Variants in ATP8A1 observed in about 807,000 individuals in gnomAD.
ATP8A1 encodes the protein phospholipid-transporting ATPase IA.
A neutral mutation model predicts 177.7 loss-of-function variants in ATP8A1; 90 were observed. That is an observed-to-expected ratio of 0.51 (90% CI 0.43 to 0.60). ATP8A1 has a LOEUF of 0.60. Ranked by LOEUF, ATP8A1 falls within the 20% of genes least tolerant of loss-of-function variation. The pLI, the probability that ATP8A1 is intolerant of heterozygous loss-of-function variation, is 0.00. For synonymous variants in ATP8A1, 493 were observed against 485.9 expected, an observed-to-expected ratio of 1.01 and a Z score of -0.19; for missense variants, 1,072 against 1,392.8, an observed-to-expected ratio of 0.77 and a Z score of 3.67.
At chr4:42,635,993 T>C (rs1739298020) in intron 1 of ATP8A1, among the ~76,000 whole-genome samples, 1 of 151,280 alleles carries the variant, frequency 6.6e-6, no homozygotes, top group African/African-American at 2.4e-5. Flanking sequence ...GCAAATTGAC[T>C]GTGATTGGCT....
chr4:42,500,153 T>A (rs1470948809), intron 24 of ATP8A1, among the ~76,000 whole-genome samples: 1 of 152,090 alleles, frequency 6.6e-6, no homozygotes, highest in Non-Finnish European at 1.5e-5. Flanking sequence ...TCAGTTGAGG[T>A]CAGGAGTTCA....
intron 24 of ATP8A1, 145 bp downstream of exon 24, chr4:42,503,305 G>T: frequency 2.1e-6 from 1 of 482,956 alleles, no homozygotes; most frequent in Non-Finnish European, 3.7e-6. Context: ...ACTCAAAACA[G>T]AGTACATTAT....
At position 42,616,408 on chromosome 4, in the gene ATP8A1, G is replaced by C. The variant is rs572845761; in HGVS notation, c.364-330C>G. ...ATGTACTAGAAAAGTATGAAAGGTTGATTTAGTATTTTGCTTTAATAACTC... is the reference window on the plus strand; with the variant it reads ...ATGTACTAGAAAAGTATGAAAGGTTCATTTAGTATTTTGCTTTAATAACTC... On this transcript the variant is annotated intron_variant, in intron 4 of 36. Coordinates refer to ENST00000381668, the MANE Select transcript of ATP8A1 (RefSeq NM_006095.2). Among the ~76,000 whole-genome samples, 8 of 152,294 alleles carry C rather than the reference G, an allele frequency of 5.3e-5. No homozygotes were observed. The East Asian group carries it at 1.5e-3, about 29-fold the overall frequency.
At chr4:42,543,883 A>T (rs1438448739) in intron 20 of ATP8A1, 34 bp downstream of exon 20, 1 of 1,477,664 alleles carries the variant, frequency 6.8e-7, no homozygotes, top group Non-Finnish European at 9.3e-7. Flanking sequence ...ACCATCATAA[A>T]TTATAACTGT....
intron 19 of ATP8A1, among the ~76,000 whole-genome samples, chr4:42,548,077 T>C (rs1033706203): frequency 6.6e-6 from 1 of 152,206 alleles, no homozygotes; most frequent in Non-Finnish European, 1.5e-5. Flanking sequence ...CACAGGCTTA[T>C]CACTGATTAT....
chr4:42,497,972 G>A (rs1321789072), intron 24 of ATP8A1, among the ~76,000 whole-genome samples: 4 of 152,168 alleles, frequency 2.6e-5, no homozygotes, highest in Non-Finnish European at 4.4e-5. Context: ...CACCTTCAAA[G>A]TTAAACTTTG....
chr4:42,461,785 G>A (rs1387441066), intron 27 of ATP8A1, among the ~76,000 whole-genome samples: 2 of 152,170 alleles, frequency 1.3e-5, no homozygotes, highest in Admixed American at 6.6e-5. Context: ...ACAAGAAAAC[G>A]TGCGAAAGTT....
chr4:42,549,638 T>C (rs999766295), intron 18 of ATP8A1, among the ~76,000 whole-genome samples: 5 of 151,460 alleles, frequency 3.3e-5, no homozygotes, highest in African/African-American at 4.9e-5. Flanking sequence ...AAAAAATAAA[T>C]TAAAAAAAAT....
intron 1 of ATP8A1, among the ~76,000 whole-genome samples, chr4:42,643,115 C>T (rs765767452): frequency 4.5e-4 from 68 of 152,304 alleles, no homozygotes; most frequent in Admixed American, 6.5e-4. Context: ...GACTGGGCAG[C>T]AAAAAGTCCT....
chr4:42,461,056 C>T (rs1719074024), intron 27 of ATP8A1, among the ~76,000 whole-genome samples: 1 of 152,136 alleles, frequency 6.6e-6, no homozygotes, highest in African/African-American at 2.4e-5. Context: ...CACACGTGCT[C>T]TTGAACACTT....
intron 1 of ATP8A1, among the ~76,000 whole-genome samples, chr4:42,640,858 A>G (rs985261912): frequency 2.6e-5 from 4 of 152,056 alleles, no homozygotes; most frequent in Non-Finnish European, 5.9e-5. Flanking sequence ...GATCCCTTTT[A>G]GAGAATGTGG....
In ATP8A1 at chr4:42,528,729, C is replaced by T. The variant is rs10000302; in HGVS notation, c.1723-3882G>A. On this transcript the variant is annotated intron_variant, in intron 20 of 36. Transcript: ENST00000381668. Reference sequence around the variant, plus strand: ...GTGTCATGATCTTATTCAGTGAGACCTTGATTGCTTTTCACTTCCACAAGA... The same window carrying T: ...GTGTCATGATCTTATTCAGTGAGACTTTGATTGCTTTTCACTTCCACAAGA... Among the ~76,000 whole-genome samples the T allele has an allele frequency of 9.6e-3, 1,458 of 152,210 alleles. 17 individuals are homozygous for T. The highest frequency in any genetic ancestry group is 0.033 in the African/African-American group (1,361 of 41,514).
Position 42,522,257 on chromosome 4 carries a change from C to G in ATP8A1, c.1850G>C (p.Ser617Thr), listed in dbSNP as rs757004781. The G allele has an allele frequency of 6.2e-7, 1 of 1,613,806 alleles. No individual in the cohort carries two copies. Among genetic ancestry groups the G allele is most frequent in the Non-Finnish European group, 8.5e-7 (1 of 1,179,898 alleles). Reference sequence around the variant, plus strand: ...GACTGCTCGCCACTCCTGAAAGTCGCTCTCTGAAATCTCAGCCACAGCAAA... The same window carrying G: ...GACTGCTCGCCACTCCTGAAAGTCGGTCTCTGAAATCTCAGCCACAGCAAA... The part of the protein sequence containing the change: ...LCFAVAEISE[S>T]DFQEWRAVYQ... Residue 617 changes from serine (S) to threonine (T), a missense_variant, in exon 22 of 37, where the codon AGC (serine) becomes ACC (threonine). By Grantham distance (58) the Ser-to-Thr change is moderately conservative (BLOSUM62 1). Transcript: ENST00000381668.
At chr4:42,550,023 A>T (rs1460363196) in intron 18 of ATP8A1, among the ~76,000 whole-genome samples, 1 of 152,166 alleles carries the variant, frequency 6.6e-6, no homozygotes, top group Non-Finnish European at 1.5e-5. Flanking sequence ...TTAGCACCCC[A>T]ATCAAGATAT....
chr4:42,498,096 T>C (rs1187507532), intron 24 of ATP8A1, among the ~76,000 whole-genome samples: 1 of 152,218 alleles, frequency 6.6e-6, no homozygotes, highest in Admixed American at 6.5e-5. Flanking sequence ...GGTTTAAAAC[T>C]TGCCTAAACT....
chr4:42,455,671 T>C (rs1718405855), intron 27 of ATP8A1, 72 bp from the exon 28 acceptor site: 2 of 1,341,650 alleles, frequency 1.5e-6, no homozygotes, highest in Admixed American at 2.0e-5. Context: ...ATCTGTTGTA[T>C]ACTCAACTGC....
chr4:42,625,348 T>G (rs1284071576), intron 3 of ATP8A1: 3 of 258,448 alleles, frequency 1.2e-5, no homozygotes, highest in Non-Finnish European at 2.2e-5. Flanking sequence ...AAATTAGCAT[T>G]TTAAGAAAAC....
intron 1 of ATP8A1, among the ~76,000 whole-genome samples, chr4:42,636,137 C>CAA (rs1739322599): frequency 2.5e-5 from 1 of 40,158 alleles, no homozygotes; most frequent in Non-Finnish European, 6.8e-5. Flanking sequence ...CACACACACA[C>CAA]ACACACACAC....
intron 20 of ATP8A1, among the ~76,000 whole-genome samples, chr4:42,538,700 C>T (rs1486425401): frequency 6.6e-6 from 1 of 152,160 alleles, no homozygotes; most frequent in Non-Finnish European, 1.5e-5. Context: ...ATCATAACCA[C>T]AATGTGATAC....
Sources: gnomAD v4.1 joint callset for allele counts (sites outside exome capture counted in the v4.1 genomes callset) on GRCh38, gnomAD v4.1.1 for gene constraint, MANE v1.5 for transcripts, NCBI Gene and HGNC (gene_info 2026-07-23, HGNC 2026-07-21) for gene names.